Variants in DMD observed in about 807,000 individuals in gnomAD.
DMD encodes dystrophin, also known as mutant dystrophin.
A neutral mutation model predicts 330.1 loss-of-function variants in DMD; 63 were observed. That is an observed-to-expected ratio of 0.19 (90% CI 0.16 to 0.24). DMD has a LOEUF of 0.24. Ranked by LOEUF, DMD falls within the 10% of genes least tolerant of loss-of-function variation. The pLI, the probability that DMD is intolerant of heterozygous loss-of-function variation, is 1.00. For missense variants in DMD, 3,344 were observed against 2,684.1 expected (o/e 1.25, Z -5.43); for synonymous variants, 1,223 against 959.8 (o/e 1.27, Z -5.07).
At chrX:32,688,321 T>C (rs1232780866) in intron 9 of DMD, among the ~76,000 whole-genome samples, 1 of 112,365 alleles carries the variant, frequency 8.9e-6, no homozygotes, top group African/African-American at 3.2e-5. Flanking sequence ...AAAAGTCATT[T>C]TCTAGAATGG....
At chrX:31,944,437 A>G (rs930739618) in intron 45 of DMD, among the ~76,000 whole-genome samples, 1 of 110,964 alleles carries the variant, frequency 9.0e-6, no homozygotes, top group East Asian at 2.8e-4. Context: ...TCAACATGCA[A>G]TTTTAAAATG....
intron 1 of DMD, among the ~76,000 whole-genome samples, chrX:33,098,759 C>G (rs1345018284): frequency 9.0e-6 from 1 of 111,647 alleles, no homozygotes; most frequent in Non-Finnish European, 1.9e-5. Context: ...GTACACCGAA[C>G]AAAGGAGACA....
chrX:32,867,411 G>A (rs2082600865), intron 2 of DMD, among the ~76,000 whole-genome samples: 1 of 111,890 alleles, frequency 8.9e-6, no homozygotes, highest in South Asian at 3.7e-4. Context: ...AGAGCCAAAG[G>A]AAAGTAGAGT....
intron 52 of DMD, among the ~76,000 whole-genome samples, chrX:31,690,980 A>T (rs1482064162): frequency 9.1e-6 from 1 of 110,063 alleles, no homozygotes; most frequent in Non-Finnish European, 1.9e-5. Context: ...GGGTGAGGGG[A>T]CGGGGGAGGG....
At chrX:32,335,950 T>C (rs1344995426) in intron 41 of DMD, among the ~76,000 whole-genome samples, 1 of 106,734 alleles carries the variant, frequency 9.4e-6, no homozygotes, top group African/African-American at 3.4e-5. Context: ...TACGTGTATG[T>C]TATATATAAC....
intron 16 of DMD, among the ~76,000 whole-genome samples, chrX:32,546,619 T>A (rs2048990547): frequency 8.9e-6 from 1 of 111,826 alleles, no homozygotes; most frequent in Admixed American, 9.5e-5. Context: ...AAGGCTACCT[T>A]TTGTTAAAGA....
chrX:32,904,660 G>A (rs1393427035), intron 2 of DMD, among the ~76,000 whole-genome samples: 5 of 111,830 alleles, frequency 4.5e-5, no homozygotes, highest in South Asian at 3.7e-4. Context: ...TGCAACCTCC[G>A]CCTCCCGGGC....
At chrX:31,493,578 A>C (rs6631315) in intron 57 of DMD, among the ~76,000 whole-genome samples, 4,741 of 111,890 alleles carry the variant, frequency 0.042, 95 homozygotes, top group Middle Eastern at 0.087. Flanking sequence ...GCTGGCATCC[A>C]AACAGCAAGG....
chrX:32,794,492 G>T (rs1426550311), intron 7 of DMD, among the ~76,000 whole-genome samples: 1 of 111,670 alleles, frequency 9.0e-6, no homozygotes, highest in East Asian at 2.8e-4. Flanking sequence ...GGGAGGCTGA[G>T]GCAAGAGAAC....
chrX:32,655,031 TTC>T (rs907246530), intron 9 of DMD, among the ~76,000 whole-genome samples: 7 of 111,935 alleles, frequency 6.3e-5, no homozygotes, highest in Admixed American at 9.5e-5. Flanking sequence ...TATTTGATTC[TTC>T]TCTCTTTTCT....
At chrX:31,377,201 G>A (rs1351247792) in intron 60 of DMD, among the ~76,000 whole-genome samples, 2 of 111,778 alleles carry the variant, frequency 1.8e-5, no homozygotes, top group Non-Finnish European at 3.8e-5. Flanking sequence ...TGCCTCCCAA[G>A]TATTTGAAGG....
At chrX:32,883,734 G>A (rs1399557384) in intron 2 of DMD, among the ~76,000 whole-genome samples, 6 of 97,592 alleles carry the variant, frequency 6.1e-5, no homozygotes, top group Admixed American at 1.3e-4. Context: ...TGAGGCAGGA[G>A]AATGGCGTGA....
chrX:32,042,026 C>CATATATATAT (rs57983190), intron 44 of DMD, among the ~76,000 whole-genome samples: 5 of 40,463 alleles, frequency 1.2e-4, no homozygotes, highest in African/African-American at 2.0e-4. Flanking sequence ...TCTCTCTGTT[C>CATATATATAT]ATATATATAT....
At chrX:32,231,901 A>G (rs1603628779) in intron 43 of DMD, among the ~76,000 whole-genome samples, 1 of 112,115 alleles carries the variant, frequency 8.9e-6, no homozygotes, top group East Asian at 2.8e-4. Context: ...TTTCCAAAGA[A>G]AGAAAAAAAT....
At chrX:31,353,925 T>C (rs189742664) in intron 60 of DMD, among the ~76,000 whole-genome samples, 11 of 112,271 alleles carry the variant, frequency 9.8e-5, no homozygotes, top group Admixed American at 9.4e-5. Context: ...TTTCCTTTTA[T>C]AAAAGTAATA....
At chrX:33,157,302 C>T (rs753068892) in intron 1 of DMD, among the ~76,000 whole-genome samples, 65 of 111,275 alleles carry the variant, frequency 5.8e-4, no homozygotes, top group African/African-American at 2.0e-3. Context: ...AGACACGTCA[C>T]TCGGGATAGC....
chrX:32,626,856 A>G (rs2058376880), intron 11 of DMD, among the ~76,000 whole-genome samples: 1 of 105,407 alleles, frequency 9.5e-6, no homozygotes, highest in Non-Finnish European at 1.9e-5. Context: ...AATCCAAGAT[A>G]GGTTAAAAAA....
At chrX:31,936,005 T>A (rs1569517498) in intron 45 of DMD, among the ~76,000 whole-genome samples, 1 of 110,976 alleles carries the variant, frequency 9.0e-6, no homozygotes, top group Non-Finnish European at 1.9e-5. Context: ...ATTACTGGGT[T>A]CAAACCCTAT....
chrX:31,217,542 T>C (rs780921133), intron 64 of DMD, among the ~76,000 whole-genome samples: 2 of 112,247 alleles, frequency 1.8e-5, no homozygotes, highest in South Asian at 7.4e-4. Context: ...ACATCATTAA[T>C]TTTCCTTAAA....
Sources: gnomAD v4.1 joint callset for allele counts (sites outside exome capture counted in the v4.1 genomes callset) on GRCh38, gnomAD v4.1.1 for gene constraint, MANE v1.5 for transcripts, NCBI Gene and HGNC (gene_info 2026-07-23, HGNC 2026-07-21) for gene names.